Variants in MAP2 observed in about 807,000 individuals in gnomAD.
The protein encoded by MAP2 is microtubule-associated protein 2.
Under a neutral mutation model 137.6 loss-of-function variants are expected in MAP2, and 14 were observed. The ratio of observed to expected loss-of-function variants is 0.10; its 90% CI spans 0.07 to 0.16. MAP2 has a LOEUF of 0.16. Among genes scored for constraint, MAP2 ranks in the 10% least tolerant of loss-of-function variants. MAP2 has a pLI of 1.00. For synonymous variants in MAP2, 786 were observed against 782.3 expected, an observed-to-expected ratio of 1.00 and a Z score of -0.08; for missense variants, 2,088 against 2,191.5, an observed-to-expected ratio of 0.95 and a Z score of 0.94.
chr2:209,536,179 C>T (rs1226333804), intron 2 of MAP2, among the ~76,000 whole-genome samples: 1 of 152,174 alleles, frequency 6.6e-6, no homozygotes, highest in Admixed American at 6.5e-5. Context: ...ATAACCTGAT[C>T]TGTGCCATAA....
intron 1 of MAP2, among the ~76,000 whole-genome samples, chr2:209,443,484 C>T (rs1698315135): frequency 6.6e-6 from 1 of 151,506 alleles, no homozygotes; most frequent in Admixed American, 6.6e-5. Context: ...GCACTGTTTC[C>T]CTCTACAGAG....
intron 5 of MAP2, among the ~76,000 whole-genome samples, chr2:209,669,263 C>G (rs984856910): frequency 3.9e-5 from 6 of 152,030 alleles, no homozygotes; most frequent in Non-Finnish European, 5.9e-5. Context: ...ACGCAGAAGT[C>G]ATGTTGGTTT....
intron 3 of MAP2, among the ~76,000 whole-genome samples, chr2:209,598,406 A>T (rs952131857): frequency 8.6e-5 from 13 of 151,642 alleles, no homozygotes; most frequent in Admixed American, 4.6e-4. Flanking sequence ...TACTTTTTTT[A>T]AAATTTATTT....
chr2:209,451,705 A>G (rs1293814219), intron 1 of MAP2, among the ~76,000 whole-genome samples: 2 of 152,208 alleles, frequency 1.3e-5, no homozygotes, highest in Non-Finnish European at 2.9e-5. Context: ...TTTAATGCAG[A>G]CATTCAGCAA....
intron 2 of MAP2, among the ~76,000 whole-genome samples, chr2:209,536,423 T>C (rs1391157144): frequency 1.3e-5 from 2 of 152,200 alleles, no homozygotes; most frequent in East Asian, 1.9e-4. Flanking sequence ...TTCTTTATAC[T>C]ACAAATAGCT....
chr2:209,723,199 C>T (rs546635584), intron 13 of MAP2, among the ~76,000 whole-genome samples: 3 of 152,164 alleles, frequency 2.0e-5, no homozygotes, highest in Admixed American at 6.5e-5. Flanking sequence ...AATGGCATAT[C>T]CTCTAGGGTC....
At chr2:209,514,888 G>C (rs2062243830) in intron 2 of MAP2, among the ~76,000 whole-genome samples, 1 of 152,108 alleles carries the variant, frequency 6.6e-6, no homozygotes. Flanking sequence ...GGATAGTCAT[G>C]ATGGTTTCAA....
chr2:209,432,539 CAT>C (rs1215829151), intron 1 of MAP2, among the ~76,000 whole-genome samples: 1 of 152,148 alleles, frequency 6.6e-6, no homozygotes, highest in African/African-American at 2.4e-5. Flanking sequence ...TAAGGAGAAA[CAT>C]ATTCCTGGTC....
intron 3 of MAP2, among the ~76,000 whole-genome samples, chr2:209,617,034 T>C (rs1027397548): frequency 1.4e-4 from 22 of 152,266 alleles, no homozygotes; most frequent in African/African-American, 5.3e-4. Context: ...CATTTCTTTA[T>C]GGCAAATTCT....
intron 1 of MAP2, among the ~76,000 whole-genome samples, chr2:209,448,304 C>T (rs1283923401): frequency 6.6e-6 from 1 of 152,006 alleles, no homozygotes; most frequent in African/African-American, 2.4e-5. Flanking sequence ...ATGAAAAGAC[C>T]ATTTCAGTAG....
chr2:209,547,179 T>G (rs368254765), intron 2 of MAP2, among the ~76,000 whole-genome samples: 9 of 152,124 alleles, frequency 5.9e-5, no homozygotes, highest in African/African-American at 1.4e-4. Context: ...TGTGAAGAGA[T>G]ATGCTCCTGG....
At position 209,646,354 on chromosome 2, in the gene MAP2, G is replaced by T. The variant is rs577799738; in HGVS notation, c.-29-6788G>T. ...TCAACAGTAGTGTTACAGATTTGCA[G>T]GCAGACTTTGGCTGCCTATGGGCAA... On this transcript the variant is annotated intron_variant, in intron 4 of 15. Transcript: ENST00000682079. 3.5e-4 allele frequency among the ~76,000 whole-genome samples: 53 copies of T among 152,260 alleles called. 2 individuals are homozygous for T. Among genetic ancestry groups the T allele is most frequent in the Admixed American group, 3.4e-3 (52 of 15,290 alleles).
At chr2:209,710,310 T>C in intron 13 of MAP2, 56 bp downstream of exon 13, 1 of 1,388,818 alleles carries the variant, frequency 7.2e-7, no homozygotes, top group Non-Finnish European at 9.9e-7. Context: ...CATTGCCTTC[T>C]TCATATTGAA....
intron 5 of MAP2, chr2:209,661,708 T>C: frequency 1.0e-6 from 1 of 984,760 alleles, no homozygotes; most frequent in African/African-American, 1.7e-5. Context: ...CTTTGTCCTA[T>C]GTGGTCTCTC....
At chr2:209,583,782 C>A (rs1252146716) in intron 3 of MAP2, among the ~76,000 whole-genome samples, 1 of 80,330 alleles carries the variant, frequency 1.2e-5, no homozygotes, top group South Asian at 4.1e-4. Context: ...TTTTTTTTTT[C>A]AGATTTTATT....
chr2:209,694,938 G>A lies in MAP2; in HGVS notation c.2768G>A (p.Gly923Glu). 6.2e-7 allele frequency: 1 copy of A among 1,614,164 alleles called. No homozygotes were observed. Among genetic ancestry groups the A allele is most frequent in the Non-Finnish European group, 8.5e-7 (1 of 1,180,028 alleles). The change falls in exon 8 of 16, where the codon GGA (glycine) becomes GAA (glutamate). Residue 923 changes from glycine to glutamate, a missense_variant. Physicochemically the swap from Gly to Glu is moderately conservative, Grantham distance 98. This residue lies in a region of MAP2 where 500 missense variants were observed against 482.9 expected (regional missense o/e 1.04). Coordinates refer to ENST00000682079, the MANE Select transcript of MAP2 (RefSeq NM_001375505.1). ...SLIEVKLAAA[G>E]RVKDEFSVDK... Reference sequence around the variant, plus strand: ...ATTGAAGTGAAACTGGCAGCAGCCGGAAGAGTCAAAGATGAGTTCAGTGTT... The same window carrying A: ...ATTGAAGTGAAACTGGCAGCAGCCGAAAGAGTCAAAGATGAGTTCAGTGTT...
At chr2:209,679,290 A>G (rs988245404) in intron 6 of MAP2, among the ~76,000 whole-genome samples, 13 of 152,000 alleles carry the variant, frequency 8.6e-5, no homozygotes, top group Non-Finnish European at 1.6e-4. Context: ...GCCAAAGGAA[A>G]CACTCTCAGC....
intron 3 of MAP2, among the ~76,000 whole-genome samples, chr2:209,593,667 ATATATATG>A (rs1559371318): frequency 2.3e-5 from 2 of 86,784 alleles, no homozygotes; most frequent in Non-Finnish European, 4.3e-5. Context: ...ATATATATAT[ATATATATG>A]TATTATAAAA....
At chr2:209,426,191 A>G (rs910905638) in intron 1 of MAP2, among the ~76,000 whole-genome samples, 9 of 152,054 alleles carry the variant, frequency 5.9e-5, no homozygotes, top group African/African-American at 2.2e-4. Context: ...TTAATTTTTC[A>G]TATTTTACAG....
Sources: allele counts gnomAD v4.1 joint callset (sites outside exome capture counted in the v4.1 genomes callset), GRCh38; gene constraint gnomAD v4.1.1; regional missense constraint gnomAD v4.1.1; transcripts MANE v1.5; gene names NCBI Gene and HGNC (gene_info 2026-07-23, HGNC 2026-07-21).